Variants in ALKBH8 observed in about 807,000 individuals in gnomAD.
The protein encoded by ALKBH8 is tRNA (carboxymethyluridine(34)-5-O)-methyltransferase ALKBH8.
Under a neutral mutation model 59.8 loss-of-function variants are expected in ALKBH8, and 36 were observed. The ratio of observed to expected loss-of-function variants is 0.60; its 90% confidence interval spans 0.46 to 0.79. The LOEUF (loss-of-function observed/expected upper bound fraction) is 0.79. ALKBH8 is among the 30% of genes least tolerant of loss of function. The pLI is 0.00. For synonymous variants in ALKBH8, 276 were observed against 273.6 expected, an observed-to-expected ratio of 1.01 and a Z score of -0.09; for missense variants, 768 against 801.0, an observed-to-expected ratio of 0.96 and a Z score of 0.50.
intron 7 of ALKBH8, among the ~76,000 whole-genome samples, chr11:107,539,125 G>A (rs372181080): frequency 7.2e-5 from 11 of 152,140 alleles, no homozygotes; most frequent in South Asian, 4.1e-4. Context: ...GGTGATACCC[G>A]CAGAAGTACA....
chr11:107,545,944 C>CAATG (rs1864232687), intron 7 of ALKBH8, among the ~76,000 whole-genome samples: 1 of 152,064 alleles, frequency 6.6e-6, no homozygotes, highest in African/African-American at 2.4e-5. Context: ...GCAAATAACA[C>CAATG]AACAACGCAC....
At position 107,525,492 on chromosome 11, in the gene ALKBH8, G is replaced by GTCCC. The variant is rs1391246759; in HGVS notation, c.975_978dup (p.Leu327GlyfsTer9). 6.5e-7 allele frequency: 1 copy of GTCCC among 1,544,318 alleles called. No individual in the cohort carries two copies. Among genetic ancestry groups the GTCCC allele is most frequent in the Admixed American group, 2.0e-5 (1 of 49,564 alleles). Reference sequence around the variant, plus strand: ...TTCCTAAATGTAAATGATGTTCGTAGTCCCCTCTTGCTTAAAGTTAAGTCT... The same window carrying GTCCC: ...TTCCTAAATGTAAATGATGTTCGTAGTCCCTCCCCTCTTGCTTAAAGTTAAGTCT... On this transcript the variant is annotated frameshift_variant, in exon 9 of 12. Transcript: ENST00000428149. LOFTEE classifies it high-confidence loss of function.
intron 8 of ALKBH8, among the ~76,000 whole-genome samples, chr11:107,529,429 T>A (rs1376201631): frequency 6.6e-6 from 1 of 152,124 alleles, no homozygotes; most frequent in Admixed American, 6.5e-5. Flanking sequence ...AGGATTAATT[T>A]TCATTTCAAA....
In ALKBH8 at chr11:107,551,706, AAT is replaced by A. The variant is rs1449448180; in HGVS notation, c.700+100_700+101del. On this transcript the variant is annotated intron_variant, in intron 6 of 11. Coordinates refer to ENST00000428149, the MANE Select transcript of ALKBH8 (RefSeq NM_138775.3). ...CGAAACTCCATCTCAAAAAAAAAAA[AAT>A]AATAATAATAATAATAATAATATAT... 1.9e-3 allele frequency: 616 copies of A among 331,620 alleles called. 2 individuals are homozygous for A. The highest frequency in any genetic ancestry group is 0.01 in the African/African-American group (414 of 40,068). The allele number at this position is 331,620 out of a possible 1,614,324, so 20.5% of individuals were successfully genotyped here. A position where few individuals can be genotyped will look rare whatever the true frequency, so the allele number is the denominator to read the frequency against.
intron 7 of ALKBH8, among the ~76,000 whole-genome samples, chr11:107,539,223 C>T (rs1591297864): frequency 6.6e-6 from 1 of 152,314 alleles, no homozygotes; most frequent in Non-Finnish European, 1.5e-5. Flanking sequence ...CCTGGAGACA[C>T]CTTGGAGACT....
chr11:107,514,751 T>C (rs893045866), intron 10 of ALKBH8, among the ~76,000 whole-genome samples: 17 of 152,146 alleles, frequency 1.1e-4, no homozygotes, highest in Admixed American at 1.1e-3. Context: ...ATTGGAAGTT[T>C]CAAGTATGCC....
chr11:107,520,286 G>C (rs1466488752), intron 10 of ALKBH8, among the ~76,000 whole-genome samples: 1 of 152,186 alleles, frequency 6.6e-6, no homozygotes, highest in Non-Finnish European at 1.5e-5. Context: ...AGACAGGAAA[G>C]AATTATGTAC....
Position 107,522,304 on chromosome 11 carries a change from A to G in ALKBH8, c.1282T>C (p.Tyr428His), listed in dbSNP as rs373004685. ...TCAAAAGCAACATTACTTGCCATAT[A>G]TAACTCCTTATTGATGCCAAGATAC... ...GKYLGINKEL[Y>H]MIGCDRSQNL... The change falls in exon 10 of 12, where the codon TAT (tyrosine) becomes CAT (histidine). Residue 428 changes from tyrosine to histidine, a missense_variant. Tyr to His is a moderately conservative substitution (Grantham distance 83). Coordinates refer to ENST00000428149, the MANE Select transcript of ALKBH8 (RefSeq NM_138775.3). 5 of 1,551,520 alleles carry G rather than the reference A, an allele frequency of 3.2e-6. No homozygotes were observed. In the African/African-American group the frequency reaches 6.8e-5, roughly 21 times the overall value.
intron 9 of ALKBH8, among the ~76,000 whole-genome samples, chr11:107,523,381 T>C (rs560232719): frequency 6.6e-6 from 1 of 151,950 alleles, no homozygotes; most frequent in African/African-American, 2.4e-5. Flanking sequence ...ACAATCTCAC[T>C]CATATATGGA....
chr11:107,556,453 AC>A (rs2135584333), intron 3 of ALKBH8, among the ~76,000 whole-genome samples: 1 of 152,268 alleles, frequency 6.6e-6, no homozygotes, highest in East Asian at 1.9e-4. Context: ...AGTAATGCAA[AC>A]CCTCATTATT....
intron 11 of ALKBH8, among the ~76,000 whole-genome samples, chr11:107,509,967 C>G (rs181924267): frequency 6.6e-6 from 1 of 152,126 alleles, no homozygotes; most frequent in Non-Finnish European, 1.5e-5. Context: ...CCAAATGAAG[C>G]GGATTTTTAA....
chr11:107,528,999 C>T (rs983739817), intron 8 of ALKBH8, among the ~76,000 whole-genome samples: 1 of 152,048 alleles, frequency 6.6e-6, no homozygotes, highest in Non-Finnish European at 1.5e-5. Flanking sequence ...TTAACAGATA[C>T]AGGGCTGGCA....
chr11:107,565,274 C>T, intron 1 of ALKBH8: 1 of 458,700 alleles, frequency 2.2e-6, no homozygotes, highest in South Asian at 2.5e-5. Context: ...GACCGATTGT[C>T]ACCGGTCAGA....
At chr11:107,530,600 A>AAAAC (rs1491477523) in intron 8 of ALKBH8, among the ~76,000 whole-genome samples, 2 of 132,198 alleles carry the variant, frequency 1.5e-5, no homozygotes, top group East Asian at 4.5e-4. Flanking sequence ...CTCTCTTCCT[A>AAAAC]ACACACACAC....
At chr11:107,509,561 A>G (rs1862536090) in intron 11 of ALKBH8, among the ~76,000 whole-genome samples, 1 of 151,942 alleles carries the variant, frequency 6.6e-6, no homozygotes, top group African/African-American at 2.4e-5. Context: ...CATATCCAAG[A>G]AATCATTGCC....
intron 7 of ALKBH8, among the ~76,000 whole-genome samples, chr11:107,547,850 T>C (rs933919927): frequency 2.0e-5 from 3 of 152,222 alleles, no homozygotes; most frequent in African/African-American, 4.8e-5. Context: ...GAAAATTATA[T>C]GCTTCCAGAG....
intron 8 of ALKBH8, among the ~76,000 whole-genome samples, chr11:107,531,702 G>C (rs1863601830): frequency 6.6e-6 from 1 of 152,218 alleles, no homozygotes; most frequent in African/African-American, 2.4e-5. Flanking sequence ...TTATAGAACA[G>C]AGCTTGGCCA....
chr11:107,530,275 T>G (rs1863532201), intron 8 of ALKBH8, among the ~76,000 whole-genome samples: 1 of 152,166 alleles, frequency 6.6e-6, no homozygotes, highest in Admixed American at 6.5e-5. Flanking sequence ...AAATAAAAGT[T>G]AGATTGAGGT....
At chr11:107,534,658 C>G (rs1863734780) in intron 7 of ALKBH8, among the ~76,000 whole-genome samples, 1 of 152,070 alleles carries the variant, frequency 6.6e-6, no homozygotes, top group Non-Finnish European at 1.5e-5. Flanking sequence ...TTTGAAACAC[C>G]TGTCCTGGCA....
Sources: gnomAD v4.1 joint callset for allele counts (sites outside exome capture counted in the v4.1 genomes callset) on GRCh38, gnomAD v4.1.1 for gene constraint, MANE v1.5 for transcripts, NCBI Gene and HGNC (gene_info 2026-07-23, HGNC 2026-07-21) for gene names.